The following KCNE2 variants were observed in gnomAD, a reference collection of about 807,000 sequenced individuals.
The protein encoded by KCNE2 is potassium voltage-gated channel subfamily E member 2.
Under a neutral mutation model 4.5 loss-of-function variants are expected in KCNE2, and 4 were observed. That is an observed-to-expected ratio of 0.89 (90% CI 0.44 to 2.03). The LOEUF is 2.03. Ranked by LOEUF, KCNE2 falls within the 30% of genes most tolerant of loss-of-function variation. KCNE2 has a pLI of 0.03. For synonymous variants in KCNE2, 57 were observed against 55.9 expected (o/e 1.02, Z -0.09); for missense variants, 137 against 151.4 (o/e 0.90, Z 0.50).
intron 1 of KCNE2, among the ~76,000 whole-genome samples, chr21:34,368,223 ACACACAATATAT>A (rs1300362405): frequency 1.1e-4 from 9 of 79,670 alleles, no homozygotes; most frequent in Non-Finnish European, 2.0e-4. Context: ...ACACACACAC[ACACACAATATAT>A]ATATATATAT....
chr21:34,365,652 T>A (rs1979259867), intron 1 of KCNE2, among the ~76,000 whole-genome samples: 1 of 152,192 alleles, frequency 6.6e-6, no homozygotes, highest in Admixed American at 6.5e-5. Flanking sequence ...CTCGAACTCC[T>A]GGGTTCAAGC....
Position 34,370,594 on chromosome 21 carries a change from C to G in KCNE2, c.116C>G (p.Ala39Gly), listed in dbSNP as rs767031659. 1 of 1,614,182 alleles carries G rather than the reference C, an allele frequency of 6.2e-7. No individual in the cohort carries two copies. The highest frequency in any genetic ancestry group is 1.1e-5 in the South Asian group (1 of 91,084). Residue 39 changes from alanine (A) to glycine (G), a missense_variant, in exon 2 of 2, where the codon GCC becomes GGC. By Grantham distance (60) the Ala-to-Gly change is moderately conservative. Transcript: ENST00000290310. ...ACAGCTGAGCAAGAGGCCCTCCAAG[C>G]CAAAGTTGATGCTGAGAACTTCTAC... Reference protein sequence around the residue: ...NTTAEQEALQAKVDAENFYYV... With the variant: ...NTTAEQEALQGKVDAENFYYV...
At position 34,368,346 on chromosome 21, in the gene KCNE2, A is replaced by G. The variant is rs962839057; in HGVS notation, c.-12-2121A>G. ...CCGGGAGCGGTGGCTCACACCTGTA[A>G]TCTCAGCACTTTGGGAGGCCGAGGC... On this transcript the variant is annotated intron_variant, in intron 1 of 1. Transcript: ENST00000290310. 2.7e-5 allele frequency among the ~76,000 whole-genome samples: 4 copies of G among 150,024 alleles called. No individual in the cohort carries two copies. In the Admixed American group the frequency reaches 2.7e-4, roughly 10 times the overall value.
At chr21:34,368,350 C>T (rs1481815206) in intron 1 of KCNE2, among the ~76,000 whole-genome samples, 3 of 150,386 alleles carry the variant, frequency 2.0e-5, no homozygotes, top group African/African-American at 7.4e-5. Flanking sequence ...CCTGTAATCT[C>T]AGCACTTTGG....
intron 1 of KCNE2, among the ~76,000 whole-genome samples, chr21:34,366,974 CAAAAAAAAA>C (rs747133749): frequency 1.6e-3 from 24 of 14,822 alleles, no homozygotes; most frequent in African/African-American, 4.5e-3. Flanking sequence ...GACTCCATCT[CAAAAAAAAA>C]AAAAAAAAAA....
chr21:34,364,882 C>T (rs958225321), intron 1 of KCNE2, among the ~76,000 whole-genome samples: 2 of 152,140 alleles, frequency 1.3e-5, no homozygotes, highest in African/African-American at 4.8e-5. Flanking sequence ...ACATTCATGA[C>T]AGGAATGGCT....
At chr21:34,370,427 T>C (rs1979523652) in intron 1 of KCNE2, 40 bp from the exon 2 acceptor site, 2 of 1,613,910 alleles carry the variant, frequency 1.2e-6, no homozygotes, top group Admixed American at 1.7e-5. Flanking sequence ...AAGATCCGTT[T>C]TCCTAACCTT....
chr21:34,367,095 G>A (rs1603059748), intron 1 of KCNE2, among the ~76,000 whole-genome samples: 1 of 148,350 alleles, frequency 6.7e-6, no homozygotes, highest in South Asian at 2.1e-4. Context: ...ACTATGGATT[G>A]GTAACAACCG....
chr21:34,366,961 A>AGAGT (rs1437492371), intron 1 of KCNE2, among the ~76,000 whole-genome samples: 3 of 135,356 alleles, frequency 2.2e-5, no homozygotes, highest in Non-Finnish European at 4.7e-5. Flanking sequence ...CCTGGGCAAA[A>AGAGT]GAGACTCCAT....
At chr21:34,369,482 G>A (rs112766664) in intron 1 of KCNE2, among the ~76,000 whole-genome samples, 3,908 of 152,112 alleles carry the variant, frequency 0.026, 78 homozygotes, top group Middle Eastern at 0.051. Context: ...CTGGGGAGGC[G>A]GAGGTTTCAG....
intron 1 of KCNE2, among the ~76,000 whole-genome samples, chr21:34,366,796 G>A (rs559538443): frequency 2.2e-4 from 33 of 151,478 alleles, no homozygotes; most frequent in South Asian, 4.2e-4. Flanking sequence ...TGGCTAACAT[G>A]GTGAAACCCC....
intron 1 of KCNE2, among the ~76,000 whole-genome samples, chr21:34,369,079 AGGGAG>A (rs1172387738): frequency 1.3e-5 from 2 of 152,166 alleles, no homozygotes; most frequent in African/African-American, 4.8e-5. Flanking sequence ...GCTTACTGAC[AGGGAG>A]GGAAGATGTC....
intron 1 of KCNE2, among the ~76,000 whole-genome samples, chr21:34,367,248 C>A (rs1979350586): frequency 6.6e-6 from 1 of 150,902 alleles, no homozygotes; most frequent in African/African-American, 2.4e-5. Context: ...ATCACTTGAG[C>A]CTAGGAGTTT....
At chr21:34,368,355 C>T (rs1200919716) in intron 1 of KCNE2, among the ~76,000 whole-genome samples, 7 of 150,680 alleles carry the variant, frequency 4.6e-5, no homozygotes, top group African/African-American at 1.7e-4. Context: ...AATCTCAGCA[C>T]TTTGGGAGGC....
In KCNE2 at chr21:34,369,122, G is replaced by A. The variant is rs531058431; in HGVS notation, c.-12-1345G>A. On this transcript the variant is annotated intron_variant, in intron 1 of 1. Coordinates refer to ENST00000290310, the MANE Select transcript of KCNE2 (RefSeq NM_172201.2). Reference sequence around the variant, plus strand: ...GTGTGACCGAACTGTAGTGAGCAAAGGGTAACTGAGGAGGTGGTCAGGAGC... The same window carrying A: ...GTGTGACCGAACTGTAGTGAGCAAAAGGTAACTGAGGAGGTGGTCAGGAGC... Among the ~76,000 whole-genome samples, 129 of 152,282 alleles carry A rather than the reference G, an allele frequency of 8.5e-4. 1 individual carries two copies. The highest frequency in any genetic ancestry group is 3.0e-3 in the African/African-American group (123 of 41,538).
At chr21:34,369,251 C>T (rs546993648) in intron 1 of KCNE2, among the ~76,000 whole-genome samples, 1 of 152,238 alleles carries the variant, frequency 6.6e-6, no homozygotes, top group East Asian at 1.9e-4. Context: ...TAATTTCCCT[C>T]TTCAAAAAGG....
chr21:34,369,828 C>T (rs1301312480), intron 1 of KCNE2, among the ~76,000 whole-genome samples: 1 of 152,204 alleles, frequency 6.6e-6, no homozygotes, highest in African/African-American at 2.4e-5. Flanking sequence ...ATACTTGGGA[C>T]AATGTGCCAC....
At position 34,370,971 on chromosome 21, in the gene KCNE2, A is replaced by G; in HGVS notation, c.*121A>G. The G allele has an allele frequency of 8.0e-7, 1 of 1,243,094 alleles. No homozygotes were observed. Among genetic ancestry groups the G allele is most frequent in the Non-Finnish European group, 1.2e-6 (1 of 863,736 alleles). The allele number at this position is 1,243,094 out of a possible 1,614,324, so 77.0% of individuals were successfully genotyped here. The stretch of plus-strand genomic sequence containing the variant: ...GTGAGTTCCTTGCTCTCTGTTGAGA[A>G]TTTTCATGGAGATTATGTGGTTGGC... On this transcript the variant is annotated 3_prime_UTR_variant, in exon 2 of 2. Transcript: ENST00000290310.
intron 1 of KCNE2, among the ~76,000 whole-genome samples, chr21:34,365,876 T>C (rs762267347): frequency 1.3e-5 from 2 of 152,244 alleles, no homozygotes; most frequent in Non-Finnish European, 2.9e-5. Flanking sequence ...CCTGTGGTCA[T>C]GGAGCAGGCA....
Sources: gnomAD v4.1 joint callset for allele counts (sites outside exome capture counted in the v4.1 genomes callset) on GRCh38, gnomAD v4.1.1 for gene constraint, MANE v1.5 for transcripts, NCBI Gene and HGNC (gene_info 2026-07-23, HGNC 2026-07-21) for gene names.